The following ADAMTSL1 variants were observed in gnomAD, a reference collection of about 807,000 sequenced individuals.
ADAMTSL1 encodes the protein ADAMTS like 1, also known as ADAMTS-like protein 1.
In ADAMTSL1, 126 loss-of-function variants were observed where a neutral mutation model predicts 201.8. The observed-to-expected ratio is 0.62, with a 90% confidence interval of 0.54 to 0.72. The LOEUF (loss-of-function observed/expected upper bound fraction) is 0.72. Ranked by LOEUF, ADAMTSL1 falls within the 30% of genes least tolerant of loss-of-function variation. The pLI, the probability that ADAMTSL1 is intolerant of heterozygous loss-of-function variation, is 0.00. For synonymous variants in ADAMTSL1, 1,121 were observed against 903.4 expected, an observed-to-expected ratio of 1.24 and a Z score of -4.32; for missense variants, 2,679 against 2,277.8, an observed-to-expected ratio of 1.18 and a Z score of -3.59.
intron 3 of ADAMTSL1, among the ~76,000 whole-genome samples, chr9:18,538,263 G>A (rs1445212174): frequency 2.0e-5 from 3 of 152,036 alleles, no homozygotes; most frequent in East Asian, 1.9e-4. Context: ...CCTAAGTTAC[G>A]GTGCCTCATC....
intron 15 of ADAMTSL1, among the ~76,000 whole-genome samples, chr9:18,722,574 C>A (rs1833458969): frequency 6.6e-6 from 1 of 152,100 alleles, no homozygotes; most frequent in African/African-American, 2.4e-5. Flanking sequence ...GTATTATTTC[C>A]CAGCTGGCTA....
chr9:18,188,019 A>C (rs1828811825), intron 2 of ADAMTSL1, among the ~76,000 whole-genome samples: 1 of 152,146 alleles, frequency 6.6e-6, no homozygotes, highest in African/African-American at 2.4e-5. Flanking sequence ...TATGTGATAA[A>C]GCCATTTATT....
At position 18,906,929 on chromosome 9, in the gene ADAMTSL1, A is replaced by G; in HGVS notation, c.5182+17A>G. ...GTGAAAACAGTATGTTCCAACCCCA[A>G]AGAACCTTCTGCAAATTCCCCATAG... On this transcript the variant is annotated intron_variant, in intron 28 of 28. Coordinates refer to ENST00000380548, the MANE Select transcript of ADAMTSL1 (RefSeq NM_001040272.6). 6.2e-7 allele frequency: 1 copy of G among 1,613,566 alleles called. No individual in the cohort carries two copies.
At chr9:18,570,607 G>A (rs1258267762) in intron 3 of ADAMTSL1, among the ~76,000 whole-genome samples, 1 of 152,112 alleles carries the variant, frequency 6.6e-6, no homozygotes, top group Non-Finnish European at 1.5e-5. Context: ...AAAGCTATTT[G>A]ATGTCCAAGA....
intron 2 of ADAMTSL1, among the ~76,000 whole-genome samples, chr9:18,422,182 TAC>T (rs142232763): frequency 1.3e-5 from 2 of 151,096 alleles, no homozygotes; most frequent in African/African-American, 2.4e-5. Flanking sequence ...AATAATGTCA[TAC>T]ACACACACAC....
chr9:18,416,087 G>T (rs1818663870), intron 2 of ADAMTSL1, among the ~76,000 whole-genome samples: 1 of 151,964 alleles, frequency 6.6e-6, no homozygotes, highest in Non-Finnish European at 1.5e-5. Flanking sequence ...ATGACGAATG[G>T]GAATATGGAG....
intron 2 of ADAMTSL1, among the ~76,000 whole-genome samples, chr9:18,522,361 C>A (rs1818750410): frequency 6.6e-6 from 1 of 152,112 alleles, no homozygotes; most frequent in Non-Finnish European, 1.5e-5. Context: ...TGACAGTACA[C>A]TTGCACTTGT....
chr9:18,580,268 A>G (rs945978243), intron 4 of ADAMTSL1, among the ~76,000 whole-genome samples: 1 of 152,172 alleles, frequency 6.6e-6, no homozygotes, highest in African/African-American at 2.4e-5. Context: ...TGGCAACATC[A>G]AAATGAACCA....
intron 1 of ADAMTSL1, among the ~76,000 whole-genome samples, chr9:18,027,342 G>A (rs903438840): frequency 2.0e-5 from 3 of 151,552 alleles, no homozygotes; most frequent in African/African-American, 4.8e-5. Context: ...TCTTGATGTA[G>A]GTATTTAGAA....
intron 2 of ADAMTSL1, among the ~76,000 whole-genome samples, chr9:18,208,411 T>G (rs1252921852): frequency 6.6e-6 from 1 of 152,042 alleles, no homozygotes; most frequent in Non-Finnish European, 1.5e-5. Context: ...TTACTGAAGT[T>G]TGTGAGTTGC....
At chr9:18,521,109 T>C (rs1048661189) in intron 2 of ADAMTSL1, among the ~76,000 whole-genome samples, 1 of 152,176 alleles carries the variant, frequency 6.6e-6, no homozygotes, top group Non-Finnish European at 1.5e-5. Context: ...AAAATGTGAA[T>C]GTTAGCCTCA....
At chr9:18,901,681 G>T (rs557653131) in intron 26 of ADAMTSL1, among the ~76,000 whole-genome samples, 1 of 152,064 alleles carries the variant, frequency 6.6e-6, no homozygotes, top group Non-Finnish European at 1.5e-5. Flanking sequence ...AATGAGAAAG[G>T]AAGCAAAATT....
chr9:18,554,709 AT>A (rs1821002933), intron 3 of ADAMTSL1, among the ~76,000 whole-genome samples: 1 of 147,222 alleles, frequency 6.8e-6, no homozygotes, highest in Non-Finnish European at 1.5e-5. Context: ...GTATTATCTC[AT>A]TTTATTTTTT....
At chr9:18,845,891 C>A (rs905644136) in intron 23 of ADAMTSL1, among the ~76,000 whole-genome samples, 3 of 152,172 alleles carry the variant, frequency 2.0e-5, no homozygotes, top group Admixed American at 6.5e-5. Context: ...TCACATGTAA[C>A]CCTCTCAAAG....
chr9:18,062,353 A>G (rs1563977133), intron 1 of ADAMTSL1, among the ~76,000 whole-genome samples: 1 of 152,204 alleles, frequency 6.6e-6, no homozygotes, highest in Non-Finnish European at 1.5e-5. Context: ...ACATTAAAAT[A>G]GTTTGCAGAA....
At chr9:18,827,762 C>G (rs963983682) in intron 22 of ADAMTSL1, among the ~76,000 whole-genome samples, 5 of 152,130 alleles carry the variant, frequency 3.3e-5, no homozygotes, top group African/African-American at 1.2e-4. Flanking sequence ...TTACTGCATT[C>G]CAACTCTAAT....
chr9:18,019,569 T>C (rs188398777), intron 1 of ADAMTSL1, among the ~76,000 whole-genome samples: 5 of 152,188 alleles, frequency 3.3e-5, no homozygotes, highest in Admixed American at 2.6e-4. Context: ...AGATTAAGAC[T>C]GTGTCTCTCA....
chr9:18,677,524 A>G (rs993460316), intron 10 of ADAMTSL1, among the ~76,000 whole-genome samples: 2 of 152,090 alleles, frequency 1.3e-5, no homozygotes, highest in African/African-American at 2.4e-5. Flanking sequence ...ATTTCAAGAT[A>G]AAGGTAAAGT....
intron 9 of ADAMTSL1, among the ~76,000 whole-genome samples, chr9:18,673,862 G>C (rs1829972583): frequency 6.6e-6 from 1 of 152,056 alleles, no homozygotes; most frequent in Non-Finnish European, 1.5e-5. Context: ...TTAGATAACA[G>C]TGTATGTACA....
Sources: allele counts gnomAD v4.1 joint callset (sites outside exome capture counted in the v4.1 genomes callset), GRCh38; gene constraint gnomAD v4.1.1; transcripts MANE v1.5; gene names NCBI Gene and HGNC (gene_info 2026-07-23, HGNC 2026-07-21).